The following PPM1K variants were observed in gnomAD, a reference collection of about 807,000 sequenced individuals.
PPM1K encodes protein phosphatase, Mg2+/Mn2+ dependent 1K.
In PPM1K, 19 loss-of-function variants were observed where a neutral mutation model predicts 32.6. The ratio of observed to expected loss-of-function variants is 0.58; its 90% CI spans 0.41 to 0.86. PPM1K has a LOEUF of 0.86. PPM1K is among the 40% of genes least tolerant of loss of function. The pLI, the probability that PPM1K is intolerant of heterozygous loss-of-function variation, is 0.00. For synonymous variants in PPM1K, 159 were observed against 165.3 expected, an observed-to-expected ratio of 0.96 and a Z score of 0.29; for missense variants, 362 against 461.2, an observed-to-expected ratio of 0.78 and a Z score of 1.97.
At chr4:88,281,517 T>C (rs1388315981) in intron 1 of PPM1K, among the ~76,000 whole-genome samples, 1 of 152,194 alleles carries the variant, frequency 6.6e-6, no homozygotes, top group Non-Finnish European at 1.5e-5. Context: ...ATCATCAACC[T>C]GGCATCCTTC....
chr4:88,268,202 A>C lies in PPM1K; in HGVS notation c.840T>G (p.Thr280=). 6.2e-7 allele frequency: 1 copy of C among 1,614,054 alleles called. No homozygotes were observed. Among genetic ancestry groups the C allele is most frequent in the Non-Finnish European group, 8.5e-7 (1 of 1,179,978 alleles). Residue 280 remains threonine (T), a synonymous_variant, in exon 5 of 7, where the codon ACT becomes ACG. Transcript: ENST00000608933. ...KTSGVIAEPE[T]KRIKLHHADD... ...GGTCCTTTCTTACCTTAATCCTCTT[A>C]GTTTCAGGTTCTGCTATGACACCAC...
Position 88,257,753 on chromosome 4 carries a change from G to A in PPM1K, c.*4842C>T, listed in dbSNP as rs1371714671. 6.6e-6 allele frequency: 1 copy of A among 152,154 alleles called. No individual in the cohort carries two copies. The highest frequency in any genetic ancestry group is 1.5e-5 in the Non-Finnish European group (1 of 68,042). 9.4% of individuals were successfully genotyped at this position (152,154 alleles called of 1,614,324 possible). A position where few individuals can be genotyped will look rare whatever the true frequency, so the allele number is the denominator to read the frequency against. ...CAGCAATTACATTAACTCACTGCAG[G>A]AGTCATTATACACTCAGGTAGTACT... On this transcript the variant is annotated 3_prime_UTR_variant, in exon 7 of 7. Transcript: ENST00000608933.
intron 3 of PPM1K, among the ~76,000 whole-genome samples, chr4:88,270,510 C>T (rs997247373): frequency 2.0e-5 from 3 of 152,222 alleles, no homozygotes; most frequent in African/African-American, 4.8e-5. Context: ...ATTACCCAAA[C>T]GACTATGAAA....
chr4:88,259,097 A>T lies in PPM1K; in HGVS notation c.*3498T>A, dbSNP rs1731025778. ...GAGAGACTCCTTCTCAAAAAAAAAA[A>T]AGAAAAAAAAATACAAAAATTAGCC... On this transcript the variant is annotated 3_prime_UTR_variant, in exon 7 of 7. Coordinates refer to ENST00000608933, the MANE Select transcript of PPM1K (RefSeq NM_152542.5). 1 of 151,240 alleles carries T rather than the reference A, an allele frequency of 6.6e-6. No homozygotes were observed. The highest frequency in any genetic ancestry group is 2.4e-5 in the African/African-American group (1 of 41,096). The allele number at this position is 151,240 out of a possible 1,614,324, so 9.4% of individuals were successfully genotyped here.
At chr4:88,273,708 G>T (rs1042384578) in intron 3 of PPM1K, among the ~76,000 whole-genome samples, 3 of 151,670 alleles carry the variant, frequency 2.0e-5, no homozygotes, top group Non-Finnish European at 4.4e-5. Flanking sequence ...AAAGAAAAGG[G>T]CTACCTGGGG....
In PPM1K at chr4:88,278,708, GAGAC is replaced by G. The variant is rs1731893751; in HGVS notation, c.-59-70_-59-67del. ...AGAGGGGCAGAGGAGGAGAGGGAGA[GAGAC>G]AGAGAGAGAGAGACCATCAGAAATT... On this transcript the variant is annotated intron_variant, in intron 1 of 6. Transcript: ENST00000608933. This position sits in a 1 kb window ranked among gnomAD's most constrained non-coding sequence, Gnocchi z 4.2. 2.9e-6 allele frequency: 2 copies of G among 700,324 alleles called. No individual in the cohort carries two copies. The highest frequency in any genetic ancestry group is 2.7e-5 in the East Asian group (1 of 36,676). The allele number at this position is 700,324 out of a possible 1,614,324, so 43.4% of individuals were successfully genotyped here.
intron 4 of PPM1K, 93 bp from the exon 5 acceptor site, chr4:88,268,427 C>G (rs919781319): frequency 2.1e-6 from 3 of 1,421,470 alleles, no homozygotes; most frequent in East Asian, 4.6e-5. Flanking sequence ...TCGAGACCAT[C>G]CTGGCTAACA....
chr4:88,270,530 C>A (rs1185285221), intron 3 of PPM1K, among the ~76,000 whole-genome samples: 1 of 152,156 alleles, frequency 6.6e-6, no homozygotes, highest in African/African-American at 2.4e-5. Flanking sequence ...ACAGTGGAAT[C>A]TTTACAGTTT....
At chr4:88,269,692 TA>T (rs1731479230) in intron 3 of PPM1K, among the ~76,000 whole-genome samples, 1 of 152,146 alleles carries the variant, frequency 6.6e-6, no homozygotes, top group Admixed American at 6.5e-5. Context: ...TACAAAGAGG[TA>T]GTCTTCAAAC....
At chr4:88,283,431 A>C (rs1732098679) in intron 1 of PPM1K, among the ~76,000 whole-genome samples, 1 of 152,194 alleles carries the variant, frequency 6.6e-6, no homozygotes, top group Admixed American at 6.5e-5. Context: ...TCGTCATTGT[A>C]ATCTGTCACT....
intron 3 of PPM1K, among the ~76,000 whole-genome samples, chr4:88,270,039 T>C (rs1367505979): frequency 6.6e-6 from 1 of 152,254 alleles, no homozygotes; most frequent in Non-Finnish European, 1.5e-5. Context: ...TTAGTAACAC[T>C]GTTAACTCTT....
At chr4:88,262,793 C>A in intron 6 of PPM1K, 67 bp from the exon 7 acceptor site, 2 of 1,494,778 alleles carry the variant, frequency 1.3e-6, no homozygotes, top group South Asian at 1.4e-5. Flanking sequence ...GAGAAATCAG[C>A]CTTTCCTTCC....
At chr4:88,267,484 C>T (rs561709801) in intron 5 of PPM1K, among the ~76,000 whole-genome samples, 1 of 152,316 alleles carries the variant, frequency 6.6e-6, no homozygotes, top group East Asian at 1.9e-4. Flanking sequence ...CAGGAGAATT[C>T]CATAGCTGGG....
intron 5 of PPM1K, 48 bp downstream of exon 5, chr4:88,268,142 A>ACATT (rs1450921180): frequency 6.3e-7 from 1 of 1,588,362 alleles, no homozygotes; most frequent in Non-Finnish European, 8.6e-7. Flanking sequence ...AGACAATCCT[A>ACATT]CATTCACTCT....
intron 1 of PPM1K, among the ~76,000 whole-genome samples, chr4:88,282,739 A>G (rs960407740): frequency 6.6e-6 from 1 of 152,252 alleles, no homozygotes; most frequent in Non-Finnish European, 1.5e-5. Context: ...GACTGGAGAA[A>G]AGTGTGAAAT....
intron 5 of PPM1K, among the ~76,000 whole-genome samples, chr4:88,267,472 A>G (rs1341153839): frequency 2.0e-5 from 3 of 152,230 alleles, no homozygotes; most frequent in African/African-American, 7.2e-5. Flanking sequence ...GGACCATTTC[A>G]CCAGGAGAAT....
intron 3 of PPM1K, among the ~76,000 whole-genome samples, chr4:88,273,758 T>C (rs141413744): frequency 0.02 from 3,091 of 151,894 alleles, 46 homozygotes; most frequent in Middle Eastern, 0.056. Flanking sequence ...CTTTTCTTTG[T>C]CACCATGTGT....
Position 88,276,017 on chromosome 4 carries a change from G to A in PPM1K, c.541+1126C>T, listed in dbSNP as rs1252642065. ...GGACTGTAATGCTTTCCTGAGGAGT[G>A]TGATAGTAAGGTTCTCAAAAAAAGC... is the stretch of plus-strand genomic sequence containing the variant. On this transcript the variant is annotated intron_variant, in intron 3 of 6. Transcript: ENST00000608933. 4.1e-6 allele frequency: 4 copies of A among 985,224 alleles called. No individual in the cohort carries two copies. The African/African-American group carries it at 7.0e-5, about 17-fold the overall frequency. 61.0% of individuals were successfully genotyped at this position (985,224 alleles called of 1,614,324 possible). A position where few individuals can be genotyped will look rare whatever the true frequency, so the allele number is the denominator to read the frequency against.
At position 88,262,491 on chromosome 4, in the gene PPM1K, T is replaced by G; in HGVS notation, c.*104A>C. On this transcript the variant is annotated 3_prime_UTR_variant, in exon 7 of 7. Coordinates refer to ENST00000608933, the MANE Select transcript of PPM1K (RefSeq NM_152542.5). ...TACTATCTAAGTGGTTTACACTGAC[T>G]TGTGCGCTGATCTAGTGAGTTAGGA... 7.7e-7 allele frequency: 1 copy of G among 1,306,400 alleles called. No homozygotes were observed. Among genetic ancestry groups the G allele is most frequent in the Non-Finnish European group, 1.1e-6 (1 of 947,466 alleles). The allele number at this position is 1,306,400 out of a possible 1,614,324, so 80.9% of individuals were successfully genotyped here.
Sources: allele counts gnomAD v4.1 joint callset (sites outside exome capture counted in the v4.1 genomes callset), GRCh38; gene constraint gnomAD v4.1.1; non-coding constraint Gnocchi (gnomAD v3.1); transcripts MANE v1.5; gene names NCBI Gene and HGNC (gene_info 2026-07-23, HGNC 2026-07-21).